The following RFC3 variants were observed in gnomAD, a reference collection of about 807,000 sequenced individuals.
RFC3 encodes the protein replication factor C subunit 3, also known as A1 38 kDa subunit.
A neutral mutation model predicts 45.1 loss-of-function variants in RFC3; 41 were observed. The observed-to-expected ratio is 0.91, with a 90% CI of 0.71 to 1.18. The LOEUF (loss-of-function observed/expected upper bound fraction) is 1.18, where lower values mean the gene tolerates loss of function less well. Among genes scored for constraint, RFC3 ranks in the 50% most tolerant of loss-of-function variants. The pLI is 0.00. For missense variants in RFC3, 423 were observed against 428.1 expected (o/e 0.99, Z 0.10); for synonymous variants, 149 against 144.0 (o/e 1.03, Z -0.25).
chr13:33,896,527 C>G (rs1204751231), intron 8 of RFC3, among the ~76,000 whole-genome samples: 1 of 151,562 alleles, frequency 6.6e-6, no homozygotes, highest in African/African-American at 2.4e-5. Flanking sequence ...AATTTGAGAC[C>G]AGCCTGGCCA....
At chr13:33,849,942 C>T (rs1427777420) in intron 8 of RFC3, 2 of 152,098 alleles carry the variant, frequency 1.3e-5, no homozygotes, top group African/African-American at 2.4e-5. Flanking sequence ...TCTGTTTCAA[C>T]AATCAACTGT....
chr13:33,916,793 C>CGTATGTATATGTGTGTATATATGT (rs2082736477), intron 8 of RFC3, among the ~76,000 whole-genome samples: 3 of 148,292 alleles, frequency 2.0e-5, no homozygotes, highest in African/African-American at 7.9e-5. Flanking sequence ...TACATGTATG[C>CGTATGTATATGTGTGTATATATGT]GTATGTATAT....
chr13:33,960,734 T>C (rs1444727797), intron 8 of RFC3, among the ~76,000 whole-genome samples: 1 of 152,144 alleles, frequency 6.6e-6, no homozygotes, highest in Non-Finnish European at 1.5e-5. Context: ...CACACACCCT[T>C]ATTTCTCACC....
At chr13:33,924,364 A>G (rs1310248651) in intron 8 of RFC3, among the ~76,000 whole-genome samples, 1 of 152,014 alleles carries the variant, frequency 6.6e-6, no homozygotes, top group East Asian at 1.9e-4. Context: ...GGGTTGGCAA[A>G]CTATGCCTGG....
intron 8 of RFC3, among the ~76,000 whole-genome samples, chr13:33,945,694 A>T (rs1030019844): frequency 6.6e-6 from 1 of 152,212 alleles, no homozygotes; most frequent in South Asian, 2.1e-4. Context: ...GCCTTTAGGG[A>T]TATACGCTGC....
At chr13:33,930,133 T>C (rs185596397) in intron 8 of RFC3, among the ~76,000 whole-genome samples, 1 of 152,240 alleles carries the variant, frequency 6.6e-6, no homozygotes, top group Admixed American at 6.5e-5. Context: ...CAGCTTGTAT[T>C]AGGGTTCTCT....
chr13:33,921,375 A>G (rs1051741440), intron 8 of RFC3, among the ~76,000 whole-genome samples: 1 of 152,158 alleles, frequency 6.6e-6, no homozygotes, highest in African/African-American at 2.4e-5. Flanking sequence ...GAGAGAACTG[A>G]AGACACACAA....
At chr13:33,974,203 A>G in the RFC3 span, among the ~76,000 whole-genome samples, 1 of 152,196 alleles carries the variant, frequency 6.6e-6, no homozygotes, top group East Asian at 1.9e-4. Flanking sequence ...TTTGGGGGAA[A>G]CGATCATGAA....
chr13:33,950,086 C>G (rs2082979810), intron 8 of RFC3, among the ~76,000 whole-genome samples: 1 of 151,534 alleles, frequency 6.6e-6, no homozygotes, highest in Non-Finnish European at 1.5e-5. Flanking sequence ...CACACACACA[C>G]ACACACACAC....
chr13:33,867,028 C>A (rs796690921), intron 8 of RFC3, among the ~76,000 whole-genome samples: 6 of 152,222 alleles, frequency 3.9e-5, no homozygotes, highest in African/African-American at 1.2e-4. Flanking sequence ...GTTTCCTGAT[C>A]TACGAAGGAA....
intron 8 of RFC3, among the ~76,000 whole-genome samples, chr13:33,950,864 T>C (rs1258334886): frequency 6.6e-6 from 1 of 151,852 alleles, no homozygotes; most frequent in Non-Finnish European, 1.5e-5. Context: ...TTCACCCAAT[T>C]TCCTCCTCTA....
chr13:33,890,044 A>G (rs557640513), intron 8 of RFC3, among the ~76,000 whole-genome samples: 1 of 152,270 alleles, frequency 6.6e-6, no homozygotes, highest in East Asian at 1.9e-4. Context: ...TATTTTATAT[A>G]TGTATCTGTT....
At chr13:33,886,298 G>C (rs532981934) in intron 8 of RFC3, among the ~76,000 whole-genome samples, 3 of 152,214 alleles carry the variant, frequency 2.0e-5, no homozygotes, top group African/African-American at 7.2e-5. Flanking sequence ...TGTAATCCCA[G>C]CACTTTGGGA....
chr13:33,876,916 G>A (rs959980315), intron 8 of RFC3, among the ~76,000 whole-genome samples: 7 of 152,106 alleles, frequency 4.6e-5, no homozygotes, highest in South Asian at 2.1e-4. Context: ...AAACCAGTGC[G>A]CTTTTCGCAA....
chr13:33,846,974 T>C (rs1468218793), intron 8 of RFC3: 1 of 152,280 alleles, frequency 6.6e-6, no homozygotes, highest in East Asian at 1.9e-4. Context: ...CGATCTTCGC[T>C]CACTGCAGCC....
At chr13:33,896,768 A>G (rs536226681) in intron 8 of RFC3, among the ~76,000 whole-genome samples, 91 of 146,714 alleles carry the variant, frequency 6.2e-4, no homozygotes, top group Middle Eastern at 3.5e-3. Flanking sequence ...AAGAGGCTCT[A>G]TCCTCTTTTT....
chr13:33,890,337 G>A (rs561318499), intron 8 of RFC3, among the ~76,000 whole-genome samples: 35 of 152,256 alleles, frequency 2.3e-4, no homozygotes, highest in Admixed American at 9.2e-4. Context: ...TCCATGCCCA[G>A]AAGCAATATC....
chr13:33,878,386 A>T (rs1208960953), intron 8 of RFC3, among the ~76,000 whole-genome samples: 1 of 152,140 alleles, frequency 6.6e-6, no homozygotes, highest in Non-Finnish European at 1.5e-5. Context: ...CTGGAAATGG[A>T]TGTGAAGTGC....
chr13:33,928,021 C>T (rs942101515), intron 8 of RFC3, among the ~76,000 whole-genome samples: 1 of 152,072 alleles, frequency 6.6e-6, no homozygotes, highest in Non-Finnish European at 1.5e-5. Flanking sequence ...CCAAACAGCC[C>T]TGTAAGGTGG....
Sources: allele counts gnomAD v4.1 joint callset (sites outside exome capture counted in the v4.1 genomes callset), GRCh38; gene constraint gnomAD v4.1.1; transcripts MANE v1.5; gene names NCBI Gene and HGNC (gene_info 2026-07-23, HGNC 2026-07-21).